Variants in PHC1 observed in about 807,000 individuals in gnomAD.
The protein encoded by PHC1 is polyhomeotic-like protein 1.
A neutral mutation model predicts 104.3 loss-of-function variants in PHC1; 12 were observed. That is an observed-to-expected ratio of 0.12 (90% CI 0.07 to 0.19). The LOEUF is 0.19. Ranked by LOEUF, PHC1 falls within the 10% of genes least tolerant of loss-of-function variation. PHC1 has a pLI of 1.00. For synonymous variants in PHC1, 302 were observed against 455.8 expected (o/e 0.66, Z 4.30); for missense variants, 671 against 1,200.0 (o/e 0.56, Z 6.51).
At chr12:8,938,890 A>G (rs1159916405) in intron 14 of PHC1, among the ~76,000 whole-genome samples, 1 of 151,968 alleles carries the variant, frequency 6.6e-6, no homozygotes, top group Non-Finnish European at 1.5e-5. Flanking sequence ...TGTGGCATGA[A>G]TTTTGGCACA....
At chr12:8,927,522 G>A (rs1338595699) in intron 6 of PHC1, among the ~76,000 whole-genome samples, 4 of 152,092 alleles carry the variant, frequency 2.6e-5, no homozygotes, top group African/African-American at 9.7e-5. Flanking sequence ...AGGGGGAAAT[G>A]ATGGGTGTGT....
At position 8,919,639 on chromosome 12, in the gene PHC1, C is replaced by G; in HGVS notation, c.115-117C>G. The G allele has an allele frequency of 4.9e-6, 5 of 1,026,468 alleles. No homozygotes were observed. In the South Asian group the frequency reaches 8.1e-5, roughly 17 times the overall value. 63.6% of individuals were successfully genotyped at this position (1,026,468 alleles called of 1,614,324 possible). The stretch of plus-strand genomic sequence containing the variant: ...AGCCGTTGACGATTTAGCCCAAACT[C>G]CCATCTCCTCTGGTTTCTGTCCTTC... On this transcript the variant is annotated intron_variant, in intron 2 of 14. Transcript: ENST00000544916. This position sits in a 1 kb window ranked among gnomAD's most constrained non-coding sequence, Gnocchi z 4.9.
intron 2 of PHC1, among the ~76,000 whole-genome samples, 154 bp downstream of exon 2, chr12:8,917,945 G>A (rs1945248619): frequency 6.6e-6 from 1 of 152,176 alleles, no homozygotes; most frequent in African/African-American, 2.4e-5. Context: ...AGAATCTTAG[G>A]AGTTTACAAA....
At chr12:8,921,250 A>C (rs951229789) in intron 4 of PHC1, among the ~76,000 whole-genome samples, 185 bp downstream of exon 4, 1 of 152,200 alleles carries the variant, frequency 6.6e-6, no homozygotes, top group African/African-American at 2.4e-5. Flanking sequence ...GTCTCTAAAG[A>C]GGAAGTCTAA....
chr12:8,917,800 C>G lies in PHC1; in HGVS notation c.114+9C>G, dbSNP rs1256481306. On this transcript the variant is annotated intron_variant, in intron 2 of 14. Coordinates refer to ENST00000544916, the MANE Select transcript of PHC1 (RefSeq NM_004426.3). ...AACGACAAGCAGTGCAGGTGAGACT[C>G]AGCTCTGAGGGGCCATGGTCTGTGA... The G allele has an allele frequency of 7.0e-7, 1 of 1,422,818 alleles. No homozygotes were observed. Among genetic ancestry groups the G allele is most frequent in the Admixed American group, 1.9e-5 (1 of 53,700 alleles). 88.1% of individuals were successfully genotyped at this position (1,422,818 alleles called of 1,614,324 possible). A position where few individuals can be genotyped will look rare whatever the true frequency, so the allele number is the denominator to read the frequency against.
chr12:8,936,834 C>G, intron 11 of PHC1, 22 bp from the exon 12 acceptor site: 1 of 1,455,762 alleles, frequency 6.9e-7, no homozygotes, highest in Admixed American at 1.7e-5. Flanking sequence ...TGGTGACTGT[C>G]CAGCAATACC....
At chr12:8,915,666 G>A (rs997142811) in intron 1 of PHC1, 1 of 142,774 alleles carries the variant, frequency 7.0e-6, no homozygotes, top group Non-Finnish European at 1.5e-5. Context: ...TTGATACCTG[G>A]TGCTGCCCAA....
In PHC1 at chr12:8,919,924, A is replaced by G. The variant is rs1362264174; in HGVS notation, c.225+58A>G. 6 of 1,568,828 alleles carry G rather than the reference A, an allele frequency of 3.8e-6. No individual in the cohort carries two copies. Among genetic ancestry groups the G allele is most frequent in the South Asian group, 2.3e-5 (2 of 86,350 alleles). ...GAGGGGACAGGCACTACAGGTGGGT[A>G]GGGGAGATTTTTTGGGCATATAGCA... On this transcript the variant is annotated intron_variant, in intron 3 of 14. Coordinates refer to ENST00000544916, the MANE Select transcript of PHC1 (RefSeq NM_004426.3). This position sits in a 1 kb window ranked among gnomAD's most constrained non-coding sequence, Gnocchi z 4.9.
intron 8 of PHC1, 169 bp from the exon 9 acceptor site, chr12:8,933,696 T>C (rs1945754972): frequency 3.1e-6 from 2 of 644,766 alleles, no homozygotes; most frequent in South Asian, 4.2e-5. Context: ...TCTTTTGTCC[T>C]GATGGAAAGT....
chr12:8,937,717 C>T, intron 13 of PHC1, 112 bp from the exon 14 acceptor site: 1 of 737,736 alleles, frequency 1.4e-6, no homozygotes, highest in Non-Finnish European at 2.3e-6. Flanking sequence ...GCTTATTTCA[C>T]ATATGATAAG....
intron 1 of PHC1, among the ~76,000 whole-genome samples, chr12:8,916,363 A>G (rs1945200093): frequency 6.6e-6 from 1 of 152,210 alleles, no homozygotes. Flanking sequence ...CATTCACCCT[A>G]ATGAAACTGT....
At position 8,919,756 on chromosome 12, in the gene PHC1, G is replaced by A; in HGVS notation, c.115G>A (p.Ala39Thr). Residue 39 changes from alanine (A) to threonine (T), a missense_variant and splice_region_variant, in exon 3 of 15, where the codon GCT becomes ACT. Coordinates refer to ENST00000544916, the MANE Select transcript of PHC1 (RefSeq NM_004426.3). This position sits in a 1 kb window ranked among gnomAD's most constrained non-coding sequence, Gnocchi z 4.9. The part of the protein sequence containing the change: ...MSLYERQAVQ[A>T]LQALQRQPNA... Reference sequence around the variant, plus strand: ...AATGTTTTATCCTCTCTTTTCCTAGGCTCTGCAAGCACTGCAGCGGCAGCC... The same window carrying A: ...AATGTTTTATCCTCTCTTTTCCTAGACTCTGCAAGCACTGCAGCGGCAGCC... 4 of 1,611,822 alleles carry A rather than the reference G, an allele frequency of 2.5e-6. No homozygotes were observed. Among genetic ancestry groups the A allele is most frequent in the Non-Finnish European group, 3.4e-6 (4 of 1,179,410 alleles).
rs764110095 is a variant in PHC1 at position 8,934,375 on chromosome 12, G to C, written c.2150G>C (p.Arg717Thr). The C allele has an allele frequency of 5.0e-6, 8 of 1,613,336 alleles. No individual in the cohort carries two copies. The highest frequency in any genetic ancestry group is 6.8e-6 in the Non-Finnish European group (8 of 1,179,446). ...CCTCCTACACTAGCCATGGTGTCTA[G>C]ACAAATGGGTGACTCAAAACCCCCA... The part of the protein sequence containing the change: ...VPPPTLAMVS[R>T]QMGDSKPPQA... The change falls in exon 10 of 15, where the codon AGA becomes ACA. Residue 717 changes from arginine to threonine, a missense_variant. Coordinates refer to ENST00000544916, the MANE Select transcript of PHC1 (RefSeq NM_004426.3).
intron 6 of PHC1, among the ~76,000 whole-genome samples, chr12:8,925,641 A>T (rs1234615715): frequency 1.3e-5 from 2 of 152,160 alleles, no homozygotes; most frequent in Non-Finnish European, 1.5e-5. Flanking sequence ...TAGAGGAATT[A>T]AAAGTCTTGT....
Position 8,919,667 on chromosome 12 carries a change from A to C in PHC1, c.115-89A>C, listed in dbSNP as rs1393311822. ...ATCTCCTCTGGTTTCTGTCCTTCCC[A>C]TGGCCCCCTTTCACACAAATACAGT... On this transcript the variant is annotated intron_variant, in intron 2 of 14. Transcript: ENST00000544916. The surrounding 1 kb of genome is among the most constrained non-coding windows in gnomAD (Gnocchi z 4.9). 7.6e-7 allele frequency: 1 copy of C among 1,309,016 alleles called. No homozygotes were observed. Among genetic ancestry groups the C allele is most frequent in the Non-Finnish European group, 1.1e-6 (1 of 939,682 alleles). 81.1% of individuals were successfully genotyped at this position (1,309,016 alleles called of 1,614,324 possible).
chr12:8,937,368 C>T (rs1565525075), intron 13 of PHC1, 42 bp downstream of exon 13: 1 of 1,517,206 alleles, frequency 6.6e-7, no homozygotes, highest in East Asian at 2.3e-5. Context: ...TAAACTGGGT[C>T]TTTTTTTCTT....
intron 1 of PHC1, chr12:8,915,937 C>T (rs761209379): frequency 7.1e-5 from 11 of 154,324 alleles, no homozygotes; most frequent in Non-Finnish European, 1.3e-4. Flanking sequence ...GAATTATGTT[C>T]TCTATACCTA....
chr12:8,923,886 C>T (rs1292991723), intron 6 of PHC1, among the ~76,000 whole-genome samples: 1 of 142,196 alleles, frequency 7.0e-6, no homozygotes, highest in East Asian at 2.1e-4. Flanking sequence ...AATAACAATA[C>T]AAGAACAAAA....
In PHC1 at chr12:8,930,533, C is replaced by T; in HGVS notation, c.711C>T (p.Val237=). Residue 237 remains valine, a synonymous_variant, in exon 7 of 15, where the codon GTC becomes GTT. Coordinates refer to ENST00000544916, the MANE Select transcript of PHC1 (RefSeq NM_004426.3). ...CCATTCCTCCAGGAGCCTCCCCTGT[C>T]TCTAGCCTCTCCCAGGCCTCTAGCC... ...QKAIPPGASP[V]SSLSQASSQA... is the part of the protein sequence containing the mutation. 1.3e-6 allele frequency: 2 copies of T among 1,558,826 alleles called. No individual in the cohort carries two copies. Among genetic ancestry groups the T allele is most frequent in the Non-Finnish European group, 1.7e-6 (2 of 1,151,518 alleles).
Sources: allele counts gnomAD v4.1 joint callset (sites outside exome capture counted in the v4.1 genomes callset), GRCh38; gene constraint gnomAD v4.1.1; non-coding constraint Gnocchi (gnomAD v3.1); transcripts MANE v1.5; gene names NCBI Gene and HGNC (gene_info 2026-07-23, HGNC 2026-07-21).